Variants in ASAP1 observed in about 807,000 individuals in gnomAD.
The protein encoded by ASAP1 is arf-GAP with SH3 domain, ANK repeat and PH domain-containing protein 1.
ASAP1 carries 43 observed loss-of-function variants against 145.2 expected under a neutral mutation model. The ratio of observed to expected loss-of-function variants is 0.30; its 90% CI spans 0.23 to 0.38. The LOEUF is 0.38. Among genes scored for constraint, ASAP1 ranks in the 10% least tolerant of loss-of-function variants. The probability of loss-of-function intolerance (pLI) is 1.00; values close to 1 mark genes in which losing one functional copy is unlikely to be tolerated. For synonymous variants in ASAP1, 546 were observed against 515.5 expected (o/e 1.06, Z -0.80); for missense variants, 1,018 against 1,355.3 (o/e 0.75, Z 3.91).
intron 4 of ASAP1, among the ~76,000 whole-genome samples, chr8:130,230,937 G>A (rs755481950): frequency 3.3e-5 from 5 of 152,026 alleles, no homozygotes; most frequent in East Asian, 1.9e-4. Flanking sequence ...GTAAGACACC[G>A]AACCTAATTA....
chr8:130,213,250 T>C (rs1816694968), intron 5 of ASAP1, among the ~76,000 whole-genome samples: 1 of 152,270 alleles, frequency 6.6e-6, no homozygotes, highest in Admixed American at 6.5e-5. Context: ...ATGTTCGATA[T>C]TTATTTTCTT....
At chr8:130,349,586 C>A (rs1825882142) in intron 3 of ASAP1, among the ~76,000 whole-genome samples, 6 of 152,166 alleles carry the variant, frequency 3.9e-5, no homozygotes, top group Admixed American at 3.9e-4. Flanking sequence ...AATAGGGATA[C>A]AATTAACCTT....
intron 9 of ASAP1, among the ~76,000 whole-genome samples, chr8:130,175,301 G>A (rs1224525937): frequency 6.6e-6 from 1 of 152,064 alleles, no homozygotes; most frequent in Non-Finnish European, 1.5e-5. Flanking sequence ...GCTCACTGCA[G>A]CCTTGATCTC....
intron 3 of ASAP1, among the ~76,000 whole-genome samples, chr8:130,241,566 T>G (rs181471238): frequency 6.6e-6 from 1 of 152,216 alleles, no homozygotes; most frequent in Non-Finnish European, 1.5e-5. Context: ...GTAGGCAACA[T>G]AAGACTTGCT....
At chr8:130,359,651 C>G (rs1826610449) in intron 2 of ASAP1, among the ~76,000 whole-genome samples, 1 of 148,420 alleles carries the variant, frequency 6.7e-6, no homozygotes, top group South Asian at 2.1e-4. Flanking sequence ...GAGTCTCGCT[C>G]TGTCGCCCAG....
intron 1 of ASAP1, among the ~76,000 whole-genome samples, chr8:130,417,197 C>A (rs1829518879): frequency 6.6e-6 from 1 of 152,014 alleles, no homozygotes; most frequent in Admixed American, 6.6e-5. Flanking sequence ...TACAACTGCA[C>A]ACACACAGAA....
intron 11 of ASAP1, among the ~76,000 whole-genome samples, chr8:130,161,694 A>G (rs981675436): frequency 6.6e-6 from 1 of 152,228 alleles, no homozygotes; most frequent in Non-Finnish European, 1.5e-5. Context: ...CCTCCATATG[A>G]AACATTTAAT....
At chr8:130,077,259 A>C (rs1329195448) in intron 26 of ASAP1, among the ~76,000 whole-genome samples, 2 of 152,262 alleles carry the variant, frequency 1.3e-5, no homozygotes, top group Non-Finnish European at 1.5e-5. Context: ...CAAAGGCCCA[A>C]GTCCCTGGAA....
At chr8:130,158,742 T>C (rs955932431) in intron 12 of ASAP1, among the ~76,000 whole-genome samples, 3 of 151,758 alleles carry the variant, frequency 2.0e-5, no homozygotes, top group African/African-American at 7.3e-5. Context: ...ATATGCTTTA[T>C]GATTTTTTTT....
chr8:130,139,749 A>G (rs1476243137), intron 13 of ASAP1, among the ~76,000 whole-genome samples: 1 of 147,758 alleles, frequency 6.8e-6, no homozygotes, highest in African/African-American at 2.5e-5. Context: ...AAAAACAAAC[A>G]AACAAAAAAC....
chr8:130,108,916 C>T (rs1220748005), intron 24 of ASAP1, among the ~76,000 whole-genome samples: 1 of 151,850 alleles, frequency 6.6e-6, no homozygotes, highest in Non-Finnish European at 1.5e-5. Context: ...GCTGGGATTA[C>T]AGGCAGGCGC....
At chr8:130,417,873 T>C (rs1043604204) in intron 1 of ASAP1, among the ~76,000 whole-genome samples, 3 of 152,240 alleles carry the variant, frequency 2.0e-5, no homozygotes, top group Non-Finnish European at 4.4e-5. Flanking sequence ...AAAGCCTCGC[T>C]GTACTGGTGG....
intron 2 of ASAP1, among the ~76,000 whole-genome samples, chr8:130,364,867 C>G (rs1826878289): frequency 6.6e-6 from 1 of 152,168 alleles, no homozygotes; most frequent in Non-Finnish European, 1.5e-5. Context: ...GAGTTTGAGG[C>G]TGCCGTGAGC....
intron 3 of ASAP1, among the ~76,000 whole-genome samples, chr8:130,344,915 G>A (rs1825614594): frequency 6.6e-6 from 1 of 152,100 alleles, no homozygotes; most frequent in African/African-American, 2.4e-5. Context: ...AATAAAACCC[G>A]TATGTTTTAG....
chr8:130,366,069 G>A lies in ASAP1; in HGVS notation c.60-7926C>T, dbSNP rs1826935730. ...GTGACTTGCCCAGTGTTCCCTGACAGATTTGTGGGAACTGAGCCAAATGCC... is the reference window on the plus strand; with the variant it reads ...GTGACTTGCCCAGTGTTCCCTGACAAATTTGTGGGAACTGAGCCAAATGCC... On this transcript the variant is annotated intron_variant, in intron 2 of 29. Transcript: ENST00000518721. 2.6e-5 allele frequency among the ~76,000 whole-genome samples: 4 copies of A among 152,170 alleles called. No individual in the cohort carries two copies. In the South Asian group the frequency reaches 6.2e-4, roughly 24 times the overall value.
At chr8:130,343,988 T>C (rs1314523292) in intron 3 of ASAP1, among the ~76,000 whole-genome samples, 1 of 152,252 alleles carries the variant, frequency 6.6e-6, no homozygotes, top group African/African-American at 2.4e-5. Flanking sequence ...TCTTTTATAC[T>C]TGTCCTCATT....
In ASAP1 at chr8:130,358,577, G is replaced by C. The variant is rs2138154478; in HGVS notation, c.60-434C>G. Among the ~76,000 whole-genome samples the C allele has an allele frequency of 6.8e-6, 1 of 147,592 alleles. No individual in the cohort carries two copies. Among genetic ancestry groups the C allele is most frequent in the African/African-American group, 2.4e-5 (1 of 40,994 alleles). On this transcript the variant is annotated intron_variant, in intron 2 of 29. Coordinates refer to ENST00000518721, the MANE Select transcript of ASAP1 (RefSeq NM_018482.4). This position sits in a 1 kb window ranked among gnomAD's most constrained non-coding sequence, Gnocchi z 4.1. Reference sequence around the variant, plus strand: ...CTCCTCAGACGCGCTGACAGGCGGCGGCGCGGGCCTGACTGACTGAGCGCA... The same window carrying C: ...CTCCTCAGACGCGCTGACAGGCGGCCGCGCGGGCCTGACTGACTGAGCGCA...
intron 2 of ASAP1, among the ~76,000 whole-genome samples, chr8:130,377,884 T>G (rs1416753864): frequency 6.6e-6 from 1 of 152,186 alleles, no homozygotes; most frequent in Non-Finnish European, 1.5e-5. Context: ...CTAATCTCTA[T>G]GGTCCCCCTG....
chr8:130,102,595 G>A (rs1049967243), intron 24 of ASAP1, among the ~76,000 whole-genome samples: 4 of 152,254 alleles, frequency 2.6e-5, no homozygotes, highest in African/African-American at 4.8e-5. Flanking sequence ...TGGTATTAGG[G>A]CAATGCTGGC....
Sources: allele counts gnomAD v4.1 joint callset (sites outside exome capture counted in the v4.1 genomes callset), GRCh38; gene constraint gnomAD v4.1.1; non-coding constraint Gnocchi (gnomAD v3.1); transcripts MANE v1.5; gene names NCBI Gene and HGNC (gene_info 2026-07-23, HGNC 2026-07-21).